Variants in SLC9B1 observed in about 807,000 individuals in gnomAD.
SLC9B1 encodes solute carrier family 9 member B1, also known as sodium/hydrogen exchanger 9B1.
A neutral mutation model predicts 51.7 loss-of-function variants in SLC9B1; 32 were observed. The observed-to-expected ratio is 0.62, with a 90% CI of 0.47 to 0.83. The LOEUF is 0.83. Ranked by LOEUF, SLC9B1 falls within the 40% of genes least tolerant of loss-of-function variation. The probability of loss-of-function intolerance (pLI) is 0.00; values close to 1 mark genes in which losing one functional copy is unlikely to be tolerated. For synonymous variants in SLC9B1, 145 were observed against 212.7 expected (o/e 0.68, Z 2.77); for missense variants, 406 against 613.2 (o/e 0.66, Z 3.57).
intron 6 of SLC9B1, among the ~76,000 whole-genome samples, chr4:102,940,255 T>C (rs995548894): frequency 6.6e-6 from 1 of 152,012 alleles, no homozygotes; most frequent in African/African-American, 2.4e-5. Flanking sequence ...CCATTCACAA[T>C]AGCCACAAAA....
At chr4:103,018,910 A>C (rs562654887) in intron 1 of SLC9B1, among the ~76,000 whole-genome samples, 1 of 152,318 alleles carries the variant, frequency 6.6e-6, no homozygotes, top group South Asian at 2.1e-4. Flanking sequence ...GAGCAAAGGC[A>C]TTAGATTCTC....
At chr4:102,886,241 C>T (rs1465780322) in intron 11 of SLC9B1, among the ~76,000 whole-genome samples, 1 of 152,110 alleles carries the variant, frequency 6.6e-6, no homozygotes, top group Non-Finnish European at 1.5e-5. Flanking sequence ...GTAATCCCAG[C>T]ACTTTGGGAG....
chr4:102,962,946 A>G, intron 3 of SLC9B1: 1 of 463,814 alleles, frequency 2.2e-6, no homozygotes, highest in South Asian at 1.5e-5. Flanking sequence ...GAGTTTGCCA[A>G]CCCAGACTTT....
intron 1 of SLC9B1, among the ~76,000 whole-genome samples, chr4:103,010,989 C>T (rs1029314954): frequency 2.0e-5 from 3 of 152,114 alleles, no homozygotes; most frequent in East Asian, 1.9e-4. Flanking sequence ...TAACTGTTTC[C>T]GATACCAACT....
chr4:102,987,477 G>C (rs1175381929), intron 3 of SLC9B1, among the ~76,000 whole-genome samples: 6 of 152,060 alleles, frequency 3.9e-5, no homozygotes, highest in Non-Finnish European at 7.4e-5. Context: ...TGAAGAAACT[G>C]AAAAATCAAC....
chr4:102,992,447 T>C (rs1325732214), intron 1 of SLC9B1, among the ~76,000 whole-genome samples: 3 of 152,180 alleles, frequency 2.0e-5, no homozygotes, highest in Non-Finnish European at 4.4e-5. Flanking sequence ...TACCATATCC[T>C]GTAGTGCTTC....
chr4:102,975,078 C>G (rs893990102), intron 3 of SLC9B1, among the ~76,000 whole-genome samples: 13 of 152,212 alleles, frequency 8.5e-5, no homozygotes, highest in African/African-American at 2.4e-4. Context: ...ATATAGCTCA[C>G]AGCATCCTTG....
chr4:102,978,172 T>G (rs1231156020), intron 3 of SLC9B1, among the ~76,000 whole-genome samples: 2 of 152,194 alleles, frequency 1.3e-5, no homozygotes, highest in Non-Finnish European at 2.9e-5. Context: ...TATTCCATGG[T>G]GTATATGTGC....
intron 3 of SLC9B1, among the ~76,000 whole-genome samples, chr4:102,974,240 T>TAAA (rs1402190390): frequency 1.3e-5 from 1 of 76,276 alleles, no homozygotes; most frequent in African/African-American, 5.2e-5. Context: ...CTGTCTAAAA[T>TAAA]TGAAAAAAAA....
chr4:102,899,619 G>A (rs1405294586), downstream of SLC9B1, among the ~76,000 whole-genome samples: 3 of 151,812 alleles, frequency 2.0e-5, no homozygotes, highest in African/African-American at 7.3e-5. Flanking sequence ...TCACCATGTT[G>A]GTCAGGTTGG....
intron 3 of SLC9B1, among the ~76,000 whole-genome samples, chr4:102,986,094 A>T (rs1232067153): frequency 2.0e-5 from 3 of 152,158 alleles, no homozygotes; most frequent in South Asian, 2.1e-4. Context: ...TCTGATCTAC[A>T]TCATTTTCCT....
chr4:103,005,694 AC>A (rs575314902), intron 1 of SLC9B1, among the ~76,000 whole-genome samples: 57 of 152,310 alleles, frequency 3.7e-4, no homozygotes, highest in Non-Finnish European at 7.6e-4. Context: ...TAAATTGGCC[AC>A]ATGATCAGCC....
intron 6 of SLC9B1, among the ~76,000 whole-genome samples, chr4:102,937,426 A>C (rs1736774284): frequency 1.4e-5 from 2 of 147,540 alleles, no homozygotes; most frequent in East Asian, 2.0e-4. Flanking sequence ...AAAAAAAAAA[A>C]AAAAAAAAAA....
chr4:102,945,552 A>T (rs1415594917), intron 5 of SLC9B1, among the ~76,000 whole-genome samples: 1 of 152,060 alleles, frequency 6.6e-6, no homozygotes, highest in East Asian at 1.9e-4. Flanking sequence ...TTTAATTATT[A>T]AAAGATCAAT....
At chr4:103,018,705 T>C (rs1475573482) in intron 1 of SLC9B1, among the ~76,000 whole-genome samples, 1 of 152,138 alleles carries the variant, frequency 6.6e-6, no homozygotes, top group Non-Finnish European at 1.5e-5. Flanking sequence ...GAAGAGCTCT[T>C]GTAACACTAC....
chr4:102,962,896 T>C, intron 3 of SLC9B1: 1 of 469,258 alleles, frequency 2.1e-6, no homozygotes, highest in Non-Finnish European at 4.4e-6. Flanking sequence ...TAGATGTTGG[T>C]TACAAAAGGT....
At chr4:103,016,133 T>TGAAAAAAAAAAAA in intron 1 of SLC9B1, among the ~76,000 whole-genome samples, 1 of 25,094 alleles carries the variant, frequency 4.0e-5, no homozygotes, top group African/African-American at 3.8e-4. Flanking sequence ...AAACTCTGTC[T>TGAAAAAAAAAAAA]CAAAAAAAAA....
At chr4:102,893,037 C>G (rs2110411795) in intron 11 of SLC9B1, among the ~76,000 whole-genome samples, 1 of 152,150 alleles carries the variant, frequency 6.6e-6, no homozygotes, top group Middle Eastern at 3.4e-3. Flanking sequence ...AATTCCAGCA[C>G]TTTGGGAGGC....
intron 3 of SLC9B1, among the ~76,000 whole-genome samples, chr4:102,979,914 C>T (rs2110508890): frequency 6.6e-6 from 1 of 152,066 alleles, no homozygotes; most frequent in Admixed American, 6.6e-5. Flanking sequence ...AAACAAACAA[C>T]CCCATTAAAA....
Sources: gnomAD v4.1 joint callset for allele counts (sites outside exome capture counted in the v4.1 genomes callset) on GRCh38, gnomAD v4.1.1 for gene constraint, MANE v1.5 for transcripts, NCBI Gene and HGNC (gene_info 2026-07-23, HGNC 2026-07-21) for gene names.